AP4B1: variants seen among roughly 807,000 people sequenced by gnomAD.
The protein encoded by AP4B1 is AP-4 complex subunit beta-1.
AP4B1 carries 49 observed loss-of-function variants against 76.5 expected under a neutral mutation model. That is an observed-to-expected ratio of 0.64 (90% confidence interval 0.51 to 0.81). AP4B1 has a LOEUF of 0.81. Ranked by LOEUF, AP4B1 falls within the 40% of genes least tolerant of loss-of-function variation. The probability of loss-of-function intolerance (pLI) is 0.00; values close to 1 mark genes in which losing one functional copy is unlikely to be tolerated. For synonymous variants in AP4B1, 330 were observed against 333.3 expected (o/e 0.99, Z 0.11); for missense variants, 911 against 904.9 (o/e 1.01, Z -0.09).
intron 4 of AP4B1, 63 bp from the exon 5 acceptor site, chr1:113,900,463 C>T: frequency 6.3e-7 from 1 of 1,581,756 alleles, no homozygotes; most frequent in Non-Finnish European, 8.6e-7. Context: ...TTCCATGCCA[C>T]TGCCATATGA....
chr1:113,900,832 G>A (rs1055216929), intron 4 of AP4B1: 5 of 282,756 alleles, frequency 1.8e-5, no homozygotes, highest in African/African-American at 2.2e-5. Context: ...AACTGGCCGG[G>A]CGCAGTGGCT....
At chr1:113,898,031 G>GA (rs749789297) in intron 6 of AP4B1, 88 bp from the exon 7 acceptor site, 21 of 1,594,470 alleles carry the variant, frequency 1.3e-5, no homozygotes, top group Non-Finnish European at 1.6e-5. Context: ...TCAGACTCAT[G>GA]ATTCTGGCTG....
chr1:113,903,346 G>A (rs1409183137), intron 1 of AP4B1, among the ~76,000 whole-genome samples: 1 of 152,238 alleles, frequency 6.6e-6, no homozygotes, highest in Non-Finnish European at 1.5e-5. Flanking sequence ...GATTACCAGC[G>A]TGAGCCACCG....
In AP4B1 at chr1:113,900,019, C is replaced by G. The variant is rs1467813923; in HGVS notation, c.999G>C (p.Val333=). The G allele has an allele frequency of 6.2e-7, 1 of 1,614,136 alleles. No homozygotes were observed. Among genetic ancestry groups the G allele is most frequent in the African/African-American group, 1.3e-5 (1 of 75,044 alleles). ...CGTTCACCAGTTCACACAGCACCTC[C>G]ACTTTCTGTAGTTTGATGTAGTGGG... The part of the protein sequence containing the change: ...SEPHYIKLQK[V]EVLCELVNDE... Residue 333 remains valine, a synonymous_variant, in exon 5 of 10, where the codon GTG becomes GTC. Coordinates refer to ENST00000369569, the MANE Select transcript of AP4B1 (RefSeq NM_001253852.3).
At chr1:113,896,638 G>C in intron 7 of AP4B1, 173 bp from the exon 8 acceptor site, 1 of 640,908 alleles carries the variant, frequency 1.6e-6, no homozygotes, top group Non-Finnish European at 2.7e-6. Flanking sequence ...ACAACAAATA[G>C]GAATGAAATT....
chr1:113,896,083 T>C, intron 8 of AP4B1, 45 bp from the exon 9 acceptor site: 1 of 1,613,010 alleles, frequency 6.2e-7, no homozygotes, highest in Non-Finnish European at 8.5e-7. Flanking sequence ...CAAAACCACT[T>C]TCCTCCTACT....
chr1:113,899,310 C>T, intron 5 of AP4B1: 1 of 1,016,700 alleles, frequency 9.8e-7, no homozygotes, highest in South Asian at 3.9e-5. Flanking sequence ...GTTTTTGAGT[C>T]ACTCCAGCCT....
At chr1:113,900,552 A>C in intron 4 of AP4B1, 152 bp from the exon 5 acceptor site, 1 of 955,280 alleles carries the variant, frequency 1.0e-6, no homozygotes, top group Non-Finnish European at 1.5e-6. Context: ...TTCATGTACT[A>C]TTTAAAGTTT....
chr1:113,897,731 G>C (rs1667675099), intron 7 of AP4B1, 109 bp downstream of exon 7: 2 of 1,167,176 alleles, frequency 1.7e-6, no homozygotes, highest in African/African-American at 3.1e-5. Flanking sequence ...TCAATTCGAA[G>C]AGTGCCCACT....
Position 113,901,901 on chromosome 1 carries a change from T to G in AP4B1, c.339-16A>C, listed in dbSNP as rs766923052. 1.2e-6 allele frequency: 2 copies of G among 1,614,098 alleles called. No individual in the cohort carries two copies. The highest frequency in any genetic ancestry group is 1.7e-6 in the Non-Finnish European group (2 of 1,180,012). On this transcript the variant is annotated splice_polypyrimidine_tract_variant and intron_variant, in intron 2 of 9. Coordinates refer to ENST00000369569, the MANE Select transcript of AP4B1 (RefSeq NM_001253852.3). ...ACCAGGCATCCTAAGCAACACATCC[T>G]GGAGTTAGCCAGATTCTGAAATACT... is the stretch of plus-strand genomic sequence containing the variant.
Position 113,898,801 on chromosome 1 carries a change from C to A in AP4B1, c.1115G>T (p.Gly372Val). 6.2e-7 allele frequency: 1 copy of A among 1,607,048 alleles called. No individual in the cohort carries two copies. Among genetic ancestry groups the A allele is most frequent in the East Asian group, 2.2e-5 (1 of 44,846 alleles). Residue 372 changes from glycine to valine, a missense_variant and splice_region_variant, in exon 6 of 10, where the codon GGT (glycine) becomes GTT (valine). Physicochemically the swap from Gly to Val is moderately radical, Grantham distance 109 (BLOSUM62 -3). Coordinates refer to ENST00000369569, the MANE Select transcript of AP4B1 (RefSeq NM_001253852.3). Reference sequence around the variant, plus strand: ...ATCTGTGTAAGTCCTGGCAATGCCACCTACAAAAGAAGGGAAAGCAGAGAA... The same window carrying A: ...ATCTGTGTAAGTCCTGGCAATGCCAACTACAAAAGAAGGGAAAGCAGAGAA... ...DFAQAAIFAIGGIARTYTDQC... is the reference protein window; with the variant it reads ...DFAQAAIFAIVGIARTYTDQC...
chr1:113,901,082 A>C, intron 4 of AP4B1, 154 bp downstream of exon 4: 1 of 1,102,444 alleles, frequency 9.1e-7, no homozygotes, highest in African/African-American at 1.6e-5. Context: ...ACTCCAGCTT[A>C]GACAACAAGA....
Position 113,896,252 on chromosome 1 carries a change from A to C in AP4B1, c.1510+6T>G. 1 of 1,614,106 alleles carries C rather than the reference A, an allele frequency of 6.2e-7. No individual in the cohort carries two copies. Among genetic ancestry groups the C allele is most frequent in the Non-Finnish European group, 8.5e-7 (1 of 1,179,978 alleles). On this transcript the variant is annotated splice_donor_region_variant and intron_variant, in intron 8 of 9. Coordinates refer to ENST00000369569, the MANE Select transcript of AP4B1 (RefSeq NM_001253852.3). ...GGCAAATACTATTTCCTTCTGAAAA[A>C]CCCACCTATGCAGTAATACAACAAA...
In AP4B1 at chr1:113,901,219, T is replaced by A; in HGVS notation, c.617+17A>T. ...GTAGCAGATCTCATAATAAAAAGAG[T>A]GCTGAGGCATCCAAACCGATTTAAG... On this transcript the variant is annotated intron_variant, in intron 4 of 9. Transcript: ENST00000369569. 6.2e-7 allele frequency: 1 copy of A among 1,613,830 alleles called. No homozygotes were observed. The highest frequency in any genetic ancestry group is 1.1e-5 in the South Asian group (1 of 91,080).
At chr1:113,897,786 C>T in intron 7 of AP4B1, 54 bp downstream of exon 7, 3 of 1,576,058 alleles carry the variant, frequency 1.9e-6, no homozygotes, top group Non-Finnish European at 2.6e-6. Context: ...TTTCAAAGGG[C>T]AGGGTTTCAA....
At position 113,895,060 on chromosome 1, in the gene AP4B1, C is replaced by T; in HGVS notation, c.*5G>A. On this transcript the variant is annotated 3_prime_UTR_variant, in exon 10 of 10. Transcript: ENST00000369569. ...ATCTTACTCTAGACAAGCAACAAGA[C>T]TCTGTTATGATTTTATTTCTTCAAT... The T allele has an allele frequency of 6.2e-7, 1 of 1,612,336 alleles. No homozygotes were observed. Among genetic ancestry groups the T allele is most frequent in the South Asian group, 1.1e-5 (1 of 90,870 alleles).
intron 2 of AP4B1, 140 bp from the exon 3 acceptor site, chr1:113,902,025 T>C: frequency 8.9e-7 from 1 of 1,118,236 alleles, no homozygotes; most frequent in Non-Finnish European, 1.3e-6. Context: ...CTATCAAGCT[T>C]AAAAAGCCAT....
chr1:113,896,534 G>T, intron 7 of AP4B1, 69 bp from the exon 8 acceptor site: 2 of 1,521,674 alleles, frequency 1.3e-6, no homozygotes, highest in Non-Finnish European at 1.8e-6. Context: ...ATAATAGACA[G>T]CCACTGGTTT....
At chr1:113,897,718 C>G (rs1240396362) in intron 7 of AP4B1, 122 bp downstream of exon 7, 2 of 991,006 alleles carry the variant, frequency 2.0e-6, no homozygotes, top group Non-Finnish European at 3.1e-6. Flanking sequence ...TCTAAGGTGG[C>G]AATCAATTCG....
Sources: allele counts gnomAD v4.1 joint callset (sites outside exome capture counted in the v4.1 genomes callset), GRCh38; gene constraint gnomAD v4.1.1; transcripts MANE v1.5; gene names NCBI Gene and HGNC (gene_info 2026-07-23, HGNC 2026-07-21).